Variants in SEMA6D observed in about 807,000 individuals in gnomAD.
The protein encoded by SEMA6D is semaphorin 6D, also known as semaphorin-6D.
In SEMA6D, 35 loss-of-function variants were observed where a neutral mutation model predicts 106.6. That is an observed-to-expected ratio of 0.33 (90% CI 0.25 to 0.44). The LOEUF (loss-of-function observed/expected upper bound fraction) is 0.44, where lower values mean the gene tolerates loss of function less well. Ranked by LOEUF, SEMA6D falls within the 20% of genes least tolerant of loss-of-function variation. The pLI is 1.00. For synonymous variants in SEMA6D, 499 were observed against 487.7 expected, an observed-to-expected ratio of 1.02 and a Z score of -0.31; for missense variants, 1,185 against 1,345.9, an observed-to-expected ratio of 0.88 and a Z score of 1.87.
Position 47,585,245 on chromosome 15 carries a change from G to T in SEMA6D, c.-86-15620G>T, listed in dbSNP as rs1026160010. ...TCAAAATGGAAATTATATATGATCA[G>T]ATTTACCTTTCCTAAGCATTTTGCT... On this transcript the variant is annotated intron_variant, in intron 3 of 19. Coordinates refer to the SEMA6D transcript ENST00000558014. Among the ~76,000 whole-genome samples, 5 of 152,172 alleles carry T rather than the reference G, an allele frequency of 3.3e-5. No homozygotes were observed. In the East Asian group the frequency reaches 9.6e-4, roughly 29 times the overall value.
At chr15:47,508,425 G>A (rs1044832300) in intron 3 of SEMA6D, among the ~76,000 whole-genome samples, 3 of 152,142 alleles carry the variant, frequency 2.0e-5, no homozygotes, top group African/African-American at 4.8e-5. Flanking sequence ...AGCCAGAGCC[G>A]CACTCCAAGA....
At chr15:47,262,022 A>T (rs977520271) in intron 1 of SEMA6D, among the ~76,000 whole-genome samples, 1 of 152,166 alleles carries the variant, frequency 6.6e-6, no homozygotes, top group Non-Finnish European at 1.5e-5. Flanking sequence ...AATCACTAAC[A>T]TTCCTATACA....
chr15:47,526,315 C>G (rs961397310), intron 3 of SEMA6D, among the ~76,000 whole-genome samples: 1 of 152,004 alleles, frequency 6.6e-6, no homozygotes, highest in Non-Finnish European at 1.5e-5. Flanking sequence ...CTCTCATGTA[C>G]TATAATTGAG....
intron 3 of SEMA6D, among the ~76,000 whole-genome samples, chr15:47,498,513 T>C (rs1341760030): frequency 1.3e-5 from 2 of 152,150 alleles, no homozygotes; most frequent in Admixed American, 6.6e-5. Context: ...ATGAGGAATT[T>C]CAGGAGTCCA....
intron 4 of SEMA6D, among the ~76,000 whole-genome samples, chr15:47,651,910 A>C (rs1034481442): frequency 1.3e-5 from 2 of 152,166 alleles, no homozygotes. Context: ...TACAACAACC[A>C]CATCTTTCCC....
At chr15:47,665,817 A>G (rs1447200919) in intron 4 of SEMA6D, among the ~76,000 whole-genome samples, 1 of 152,244 alleles carries the variant, frequency 6.6e-6, no homozygotes, top group Non-Finnish European at 1.5e-5. Flanking sequence ...TTCCAAAAAA[A>G]TAAATAAATA....
At chr15:47,580,028 C>T (rs2076228161) in intron 3 of SEMA6D, among the ~76,000 whole-genome samples, 1 of 152,150 alleles carries the variant, frequency 6.6e-6, no homozygotes, top group South Asian at 2.1e-4. Flanking sequence ...TAGAAAATTT[C>T]TCTGAAATTT....
intron 3 of SEMA6D, among the ~76,000 whole-genome samples, chr15:47,573,544 C>G (rs909965633): frequency 2.0e-5 from 3 of 152,164 alleles, no homozygotes; most frequent in African/African-American, 7.2e-5. Context: ...CCATTTTGTT[C>G]ATTCCCTCTG....
intron 1 of SEMA6D, among the ~76,000 whole-genome samples, chr15:47,381,430 T>G (rs568819941): frequency 7.2e-5 from 11 of 152,318 alleles, no homozygotes; most frequent in African/African-American, 2.6e-4. Context: ...CATCAGTCTC[T>G]GGAGTGACGC....
chr15:47,340,152 C>T (rs946133411), intron 1 of SEMA6D, among the ~76,000 whole-genome samples: 6 of 152,084 alleles, frequency 3.9e-5, no homozygotes, highest in African/African-American at 1.4e-4. Context: ...AAGAGCAGGG[C>T]TGCGTGGATG....
intron 1 of SEMA6D, among the ~76,000 whole-genome samples, chr15:47,407,341 C>A (rs2040610742): frequency 7.5e-6 from 1 of 133,138 alleles, no homozygotes; most frequent in Non-Finnish European, 1.5e-5. Flanking sequence ...TGCACTCCAG[C>A]CTGGCTGACA....
chr15:47,686,853 G>T (rs1401649014), intron 4 of SEMA6D, among the ~76,000 whole-genome samples: 1 of 152,026 alleles, frequency 6.6e-6, no homozygotes, highest in Non-Finnish European at 1.5e-5. Context: ...ATCACTTGAG[G>T]ATGGGAGTTC....
At chr15:47,432,231 A>G (rs2041553203) in intron 2 of SEMA6D, among the ~76,000 whole-genome samples, 1 of 152,286 alleles carries the variant, frequency 6.6e-6, no homozygotes, top group African/African-American at 2.4e-5. Context: ...CTATGTAGAT[A>G]TGATTCTTAT....
intron 4 of SEMA6D, among the ~76,000 whole-genome samples, chr15:47,696,881 ATATC>A (rs979543796): frequency 5.3e-5 from 8 of 152,322 alleles, no homozygotes; most frequent in East Asian, 1.9e-4. Flanking sequence ...ACATTTATAA[ATATC>A]TAACTGAATA....
At chr15:47,234,523 A>G (rs957744246) in intron 1 of SEMA6D, among the ~76,000 whole-genome samples, 2 of 151,688 alleles carry the variant, frequency 1.3e-5, no homozygotes, top group Non-Finnish European at 2.9e-5. Context: ...TGAGTCTCCA[A>G]TGTCTTGTTA....
intron 1 of SEMA6D, among the ~76,000 whole-genome samples, chr15:47,325,384 G>A (rs1204805883): frequency 6.6e-6 from 1 of 151,900 alleles, no homozygotes; most frequent in Non-Finnish European, 1.5e-5. Context: ...TGTTGGCCAG[G>A]CTGGTCTCAA....
chr15:47,657,808 T>C (rs1159722899), intron 4 of SEMA6D, among the ~76,000 whole-genome samples: 1 of 132,024 alleles, frequency 7.6e-6, no homozygotes, highest in East Asian at 2.5e-4. Flanking sequence ...GTGGCAGATC[T>C]CGGCTCACTG....
chr15:47,330,855 G>A (rs954699760), intron 1 of SEMA6D, among the ~76,000 whole-genome samples: 5 of 152,072 alleles, frequency 3.3e-5, no homozygotes, highest in African/African-American at 1.2e-4. Context: ...TGTGAGAGTC[G>A]CTGCTTATAG....
chr15:47,254,041 A>G (rs2033660844), intron 1 of SEMA6D, among the ~76,000 whole-genome samples: 1 of 151,592 alleles, frequency 6.6e-6, no homozygotes, highest in African/African-American at 2.4e-5. Context: ...TCAGTGTTTA[A>G]TAGTCTTCAT....
Sources: allele counts gnomAD v4.1 joint callset (sites outside exome capture counted in the v4.1 genomes callset), GRCh38; gene constraint gnomAD v4.1.1; transcripts MANE v1.5; gene names NCBI Gene and HGNC (gene_info 2026-07-23, HGNC 2026-07-21).